Variants in NELFE observed in about 807,000 individuals in gnomAD.
NELFE encodes negative elongation factor E.
In NELFE, 26 loss-of-function variants were observed where a neutral mutation model predicts 55.5. The ratio of observed to expected loss-of-function variants is 0.47; its 90% CI spans 0.34 to 0.65. The LOEUF (loss-of-function observed/expected upper bound fraction) is 0.65. NELFE is among the 30% of genes least tolerant of loss of function. NELFE has a pLI of 0.01. For synonymous variants in NELFE, 162 were observed against 178.0 expected (o/e 0.91, Z 0.72); for missense variants, 403 against 506.9 (o/e 0.80, Z 1.97).
At chr6:31,958,712 C>G in intron 1 of NELFE, 180 bp downstream of exon 1, 1 of 702,958 alleles carries the variant, frequency 1.4e-6, no homozygotes, top group Non-Finnish European at 2.6e-6. Context: ...AATATCCACT[C>G]CGTCGGAAAG....
Position 31,958,920 on chromosome 6 carries a change from G to T in NELFE, c.-37C>A. 1.7e-6 allele frequency: 1 copy of T among 593,670 alleles called. No homozygotes were observed. The allele number at this position is 593,670 out of a possible 1,614,324, so 36.8% of individuals were successfully genotyped here. On this transcript the variant is annotated 5_prime_UTR_variant, in exon 1 of 11. Transcript: ENST00000375429. ...AGGGGGCGGCAACCGGGGGCCCCAC[G>T]GTCTCCGGCCGCGCCCGCGCTGGCC...
intron 3 of NELFE, 23 bp from the exon 4 acceptor site, chr6:31,956,861 CATT>C: frequency 6.2e-7 from 1 of 1,613,044 alleles, no homozygotes; most frequent in Non-Finnish European, 8.5e-7. Flanking sequence ...GGGGAAGAGG[CATT>C]ATGTTGGCCA....
In NELFE at chr6:31,953,784, G is replaced by A. The variant is rs762066262; in HGVS notation, c.990C>T (p.Ala330=). 1.2e-6 allele frequency: 2 copies of A among 1,613,038 alleles called. No homozygotes were observed. The change falls in exon 10 of 11, where the codon GCC becomes GCT. Residue 330 remains alanine, a synonymous_variant. Coordinates refer to ENST00000375429, the MANE Select transcript of NELFE (RefSeq NM_002904.6). The stretch of plus-strand genomic sequence containing the variant: ...CGGCATCCAGCATGGGCTGTTTTCG[G>A]GCTATGTTGACTTTGAGCTGTACAG... ...VESVQLKVNI[A]RKQPMLDAAT... is the part of the protein sequence containing the mutation.
Position 31,954,568 on chromosome 6 carries a change from C to CTCTCGG in NELFE, c.723_728dup (p.Asp241_Arg242dup), listed in dbSNP as rs139983860. The CTCTCGG allele has an allele frequency of 7.3e-5, 117 of 1,607,564 alleles. No individual in the cohort carries two copies. Among genetic ancestry groups the CTCTCGG allele is most frequent in the Middle Eastern group, 1.7e-4 (1 of 6,048 alleles). On this transcript the variant is annotated inframe_insertion, in exon 7 of 11. Coordinates refer to ENST00000375429, the MANE Select transcript of NELFE (RefSeq NM_002904.6). This position sits in a 1 kb window ranked among gnomAD's most constrained non-coding sequence, Gnocchi z 5.5. ...AAAATCACTCACTGCGGAAAGGACC[C>CTCTCGG]TCTCGGTCTCGGTCTCGATCCCGCT... is the stretch of plus-strand genomic sequence containing the variant.
rs758227767 is a variant in NELFE at position 31,954,673 on chromosome 6, C to CCGGTCTCGATCCCGCTCCCGATCT, written c.600_623dup (p.Glu203_Arg210dup). 1.3e-6 allele frequency: 2 copies of CCGGTCTCGATCCCGCTCCCGATCT among 1,570,464 alleles called. No individual in the cohort carries two copies. Among genetic ancestry groups the CCGGTCTCGATCCCGCTCCCGATCT allele is most frequent in the South Asian group, 1.2e-5 (1 of 85,226 alleles). ...CCCGCTCTCTGTCTCTGTCTCGATC[C>CCGGTCTCGATCCCGCTCCCGATCT]CGGTCTCGATCCCGCTCCCGATCTC... is the stretch of plus-strand genomic sequence containing the variant. On this transcript the variant is annotated inframe_insertion, in exon 7 of 11. Coordinates refer to ENST00000375429, the MANE Select transcript of NELFE (RefSeq NM_002904.6). The surrounding 1 kb of genome is among the most constrained non-coding windows in gnomAD (Gnocchi z 5.5).
At chr6:31,958,848 G>A (rs1772265217) in intron 1 of NELFE, 44 bp downstream of exon 1, 1 of 622,788 alleles carries the variant, frequency 1.6e-6, no homozygotes, top group Non-Finnish European at 2.9e-6. Context: ...CAGAGAAACG[G>A]CTATGAGAAA....
At chr6:31,956,194 G>T (rs917694632) in intron 4 of NELFE, among the ~76,000 whole-genome samples, 1 of 152,214 alleles carries the variant, frequency 6.6e-6, no homozygotes, top group African/African-American at 2.4e-5. Context: ...CTCCCAAAGT[G>T]CTGGGATTAC....
chr6:31,956,514 C>CCAA (rs369604056), intron 4 of NELFE, among the ~76,000 whole-genome samples, 179 bp downstream of exon 4: 2 of 152,186 alleles, frequency 1.3e-5, no homozygotes, highest in African/African-American at 4.8e-5. Flanking sequence ...ATTAGAACCA[C>CCAA]AGAATTTGTA....
In NELFE at chr6:31,956,748, G is replaced by A; in HGVS notation, c.236C>T (p.Ala79Val). Reference sequence around the variant, plus strand: ...CTTGAAGCCTGAGTTCTTGGTCTCAGCCTTGATGGCACTGATGGCTCCTGA... The same window carrying A: ...CTTGAAGCCTGAGTTCTTGGTCTCAACCTTGATGGCACTGATGGCTCCTGA... ...VKSGAISAIKAETKNSGFKRS... is the reference protein window; with the variant it reads ...VKSGAISAIKVETKNSGFKRS... Residue 79 changes from alanine to valine, a missense_variant, in exon 4 of 11, where the codon GCT becomes GTT. Ala to Val is a moderately conservative substitution (Grantham distance 64). This residue lies in a region of NELFE where 97 missense variants were observed against 155.3 expected (regional missense o/e 0.62). Coordinates refer to ENST00000375429, the MANE Select transcript of NELFE (RefSeq NM_002904.6). 6.2e-7 allele frequency: 1 copy of A among 1,613,048 alleles called. No individual in the cohort carries two copies. Among genetic ancestry groups the A allele is most frequent in the Non-Finnish European group, 8.5e-7 (1 of 1,180,006 alleles).
At chr6:31,953,409 T>C (rs1359384305) in intron 10 of NELFE, among the ~76,000 whole-genome samples, 2 of 152,114 alleles carry the variant, frequency 1.3e-5, no homozygotes, top group Non-Finnish European at 2.9e-5. Context: ...TCCAGATCCC[T>C]GATTTCGAAT....
Position 31,952,206 on chromosome 6 carries a change from A to G in NELFE, c.*95T>C, listed in dbSNP as rs1771816687. ...TAACCCCAATCCCAAGTGCTGAAAA[A>G]CCAGAGGCTGAGGGAGATGTGTAAG... On this transcript the variant is annotated 3_prime_UTR_variant, in exon 11 of 11. Transcript: ENST00000375429. 7.0e-6 allele frequency: 10 copies of G among 1,426,726 alleles called. No homozygotes were observed. In the South Asian group the frequency reaches 1.1e-4, roughly 16 times the overall value. 88.4% of individuals were successfully genotyped at this position (1,426,726 alleles called of 1,614,324 possible). A position where few individuals can be genotyped will look rare whatever the true frequency, so the allele number is the denominator to read the frequency against.
Position 31,954,658 on chromosome 6 carries a change from GTC to G in NELFE, c.637_638del (p.Asp213GlnfsTer41). On this transcript the variant is annotated frameshift_variant, in exon 7 of 11. Coordinates refer to ENST00000375429, the MANE Select transcript of NELFE (RefSeq NM_002904.6). LOFTEE classifies it high-confidence loss of function. This position sits in a 1 kb window ranked among gnomAD's most constrained non-coding sequence, Gnocchi z 5.5. Reference protein sequence around the residue: ...ERDRDRDRDRDRERDRDRDRD... With the variant: ...ERDRDRDRDRXRERDRDRDRD... ...GATCCCGATCCCTGTCCCGCTCTCT[GTC>G]TCTGTCTCGATCCCGGTCTCGATCC... The G allele has an allele frequency of 6.2e-7, 1 of 1,602,808 alleles. No homozygotes were observed. The highest frequency in any genetic ancestry group is 8.5e-7 in the Non-Finnish European group (1 of 1,173,958).
rs149263367 is a variant in NELFE, at chr6:31,955,087, G to A, written c.376C>T (p.Arg126Cys). 3 of 1,613,050 alleles carry A rather than the reference G, an allele frequency of 1.9e-6. No homozygotes were observed. The highest frequency in any genetic ancestry group is 1.3e-5 in the African/African-American group (1 of 75,026). ...TCATACAGAGATTTCCTCTGGGGAC[G>A]TCTGGATGACTGTAAAAGAGACCAA... The part of the protein sequence containing the change: ...ADDDLQESSR[R>C]PQRKSLYESF... Residue 126 changes from arginine to cysteine, a missense_variant, in exon 6 of 11, where the codon CGT (arginine) becomes TGT (cysteine). By Grantham distance (180) the Arg-to-Cys change is radical. Around this residue, in one of 3 missense-constraint regions of NELFE, gnomAD observed 97 missense variants for 155.3 expected, o/e 0.62. Transcript: ENST00000375429.
chr6:31,954,698 C>G lies in NELFE; in HGVS notation c.599G>C (p.Arg200Pro). 1 of 1,613,170 alleles carries G rather than the reference C, an allele frequency of 6.2e-7. No homozygotes were observed. The highest frequency in any genetic ancestry group is 8.5e-7 in the Non-Finnish European group (1 of 1,179,336). The change falls in exon 7 of 11, where the codon CGA becomes CCA. Residue 200 changes from arginine to proline, a missense_variant. This residue lies in a region of NELFE where 229 missense variants were observed against 228.3 expected (regional missense o/e 1.00). Transcript: ENST00000375429. The surrounding 1 kb of genome is among the most constrained non-coding windows in gnomAD (Gnocchi z 5.5). Reference protein sequence around the residue: ...RSHERNRDRDRDRERDRDRDR... With the variant: ...RSHERNRDRDPDRERDRDRDR... ...CCGGTCTCGATCCCGCTCCCGATCTCGGTCTCTGTCCCGGTTCCTCTCATG... is the reference window on the plus strand; with the variant it reads ...CCGGTCTCGATCCCGCTCCCGATCTGGGTCTCTGTCCCGGTTCCTCTCATG...
Position 31,954,221 on chromosome 6 carries a change from AG to A in NELFE, c.887+76del. 6.2e-7 allele frequency: 1 copy of A among 1,608,866 alleles called. No homozygotes were observed. Among genetic ancestry groups the A allele is most frequent in the Non-Finnish European group, 8.5e-7 (1 of 1,175,798 alleles). The stretch of plus-strand genomic sequence containing the variant: ...CCAGTGATAATAGGCGGCTGCAGGG[AG>A]GGCAGCTTCTTCCCTCAGGTCTCAC... On this transcript the variant is annotated intron_variant, in intron 8 of 10. Transcript: ENST00000375429. The surrounding 1 kb of genome is among the most constrained non-coding windows in gnomAD (Gnocchi z 5.5).
chr6:31,955,270 G>T lies in NELFE; in HGVS notation c.315C>A (p.Pro105=). The change falls in exon 5 of 11, where the codon CCC becomes CCA. Residue 105 remains proline, a synonymous_variant. Transcript: ENST00000375429. The stretch of plus-strand genomic sequence containing the variant: ...TGCTCCTCTGGAACGGCTGGAAAGT[G>T]GGGACTGGTCCCTTCTCGGGGTCCT... ...KLKDPEKGPV[P]TFQPFQRSIS... is the part of the protein sequence containing the mutation. The T allele has an allele frequency of 6.3e-7, 1 of 1,595,168 alleles. No homozygotes were observed. Among genetic ancestry groups the T allele is most frequent in the Non-Finnish European group, 8.5e-7 (1 of 1,171,406 alleles).
Position 31,956,835 on chromosome 6 carries a change from A to G in NELFE, c.149T>C (p.Leu50Pro). ...TGTGTCCATGACAGGCTGCTCTGATAGTGCTGGAGAGACAAGGGGAAGAGG... is the reference window on the plus strand; with the variant it reads ...TGTGTCCATGACAGGCTGCTCTGATGGTGCTGGAGAGACAAGGGGAAGAGG... ...TTSQGGVKRS[L>P]SEQPVMDTAT... Residue 50 changes from leucine to proline, a missense_variant, in exon 4 of 11, where the codon CTA (leucine) becomes CCA (proline). Coordinates refer to ENST00000375429, the MANE Select transcript of NELFE (RefSeq NM_002904.6). The G allele has an allele frequency of 1.2e-6, 2 of 1,612,980 alleles. No homozygotes were observed. Among genetic ancestry groups the G allele is most frequent in the Non-Finnish European group, 1.7e-6 (2 of 1,180,010 alleles).
At chr6:31,955,448 A>ATTTTT (rs72274522) in intron 4 of NELFE, among the ~76,000 whole-genome samples, 155 bp from the exon 5 acceptor site, 1 of 122,736 alleles carries the variant, frequency 8.1e-6, no homozygotes, top group African/African-American at 3.1e-5. Flanking sequence ...GGTTTTACTT[A>ATTTTT]TTTTTTTTTT....
At chr6:31,952,584 A>G (rs143905510) in intron 10 of NELFE, among the ~76,000 whole-genome samples, 186 bp from the exon 11 acceptor site, 207 of 152,346 alleles carry the variant, frequency 1.4e-3, no homozygotes, top group African/African-American at 4.3e-3. Flanking sequence ...CAAGAAAAGT[A>G]TAAGTGGACA....
Sources: allele counts gnomAD v4.1 joint callset (sites outside exome capture counted in the v4.1 genomes callset), GRCh38; gene constraint gnomAD v4.1.1; regional missense constraint gnomAD v4.1.1; non-coding constraint Gnocchi (gnomAD v3.1); transcripts MANE v1.5; gene names NCBI Gene and HGNC (gene_info 2026-07-23, HGNC 2026-07-21).